The following NALCN variants were observed in gnomAD, a reference collection of about 807,000 sequenced individuals.
NALCN encodes the protein sodium leak channel, non-selective.
NALCN carries 111 observed loss-of-function variants against 225.3 expected under a neutral mutation model. The observed-to-expected ratio is 0.49, with a 90% CI of 0.42 to 0.58. The LOEUF is 0.58. NALCN is among the 20% of genes least tolerant of loss of function. NALCN has a pLI of 0.00. For synonymous variants in NALCN, 764 were observed against 769.0 expected, an observed-to-expected ratio of 0.99 and a Z score of 0.11; for missense variants, 1,378 against 2,202.4, an observed-to-expected ratio of 0.63 and a Z score of 7.49.
chr13:101,193,857 A>G (rs2039783508), intron 13 of NALCN, among the ~76,000 whole-genome samples: 1 of 152,202 alleles, frequency 6.6e-6, no homozygotes, highest in African/African-American at 2.4e-5. Flanking sequence ...TCACATAAAA[A>G]TATCAGATTG....
chr13:101,407,080 T>G (rs1469162759), intron 1 of NALCN, among the ~76,000 whole-genome samples: 2 of 152,224 alleles, frequency 1.3e-5, no homozygotes, highest in African/African-American at 4.8e-5. Context: ...TTGAGAAAGT[T>G]TTTCTGTCAT....
intron 30 of NALCN, among the ~76,000 whole-genome samples, chr13:101,086,295 CTTCT>C (rs1324006022): frequency 6.6e-6 from 1 of 151,854 alleles, no homozygotes; most frequent in Non-Finnish European, 1.5e-5. Flanking sequence ...ACTTGTGATT[CTTCT>C]TTAATATATA....
chr13:101,286,210 G>C (rs2043332329), intron 9 of NALCN, among the ~76,000 whole-genome samples: 1 of 152,160 alleles, frequency 6.6e-6, no homozygotes, highest in South Asian at 2.1e-4. Flanking sequence ...AATCCTTGCG[G>C]GGAGCGTGGC....
intron 6 of NALCN, among the ~76,000 whole-genome samples, chr13:101,371,977 G>A (rs1257670560): frequency 6.6e-6 from 1 of 152,108 alleles, no homozygotes; most frequent in Non-Finnish European, 1.5e-5. Flanking sequence ...TGATTAATAA[G>A]ATAAAAGATG....
intron 15 of NALCN, among the ~76,000 whole-genome samples, chr13:101,158,875 C>T (rs900436054): frequency 6.6e-6 from 1 of 152,200 alleles, no homozygotes; most frequent in African/African-American, 2.4e-5. Flanking sequence ...CCTCCCACAG[C>T]ACTCTCCTTA....
At chr13:101,118,406 C>T (rs1412029516) in intron 18 of NALCN, among the ~76,000 whole-genome samples, 1 of 152,080 alleles carries the variant, frequency 6.6e-6, no homozygotes, top group Non-Finnish European at 1.5e-5. Context: ...TACCGCAAAT[C>T]AGGTACTATC....
chr13:101,224,947 A>T (rs1252009328), intron 13 of NALCN, among the ~76,000 whole-genome samples: 2 of 152,160 alleles, frequency 1.3e-5, no homozygotes, highest in Non-Finnish European at 2.9e-5. Flanking sequence ...CAAAGTAGCC[A>T]CGTTGACTAC....
chr13:101,296,071 C>A (rs985030141), intron 7 of NALCN, among the ~76,000 whole-genome samples: 13 of 152,188 alleles, frequency 8.5e-5, no homozygotes, highest in African/African-American at 2.9e-4. Flanking sequence ...GGCTGCCCAG[C>A]TCAGCTCCTC....
chr13:101,313,375 C>T (rs866315123), intron 7 of NALCN, among the ~76,000 whole-genome samples: 7 of 152,138 alleles, frequency 4.6e-5, no homozygotes, highest in Admixed American at 3.3e-4. Context: ...CAAAAGAAAC[C>T]GTCATCAGAG....
intron 6 of NALCN, among the ~76,000 whole-genome samples, chr13:101,355,985 A>G (rs1391301032): frequency 6.6e-6 from 1 of 152,180 alleles, no homozygotes; most frequent in African/African-American, 2.4e-5. Context: ...CAAATCAAGA[A>G]GTTCTTTGAA....
chr13:101,204,736 T>C (rs1439013638), intron 13 of NALCN, among the ~76,000 whole-genome samples: 1 of 152,132 alleles, frequency 6.6e-6, no homozygotes, highest in Admixed American at 6.6e-5. Context: ...TTGGCTATGC[T>C]TGGGTTAACT....
In NALCN at chr13:101,377,050, C is replaced by T; in HGVS notation, c.382G>A (p.Glu128Lys). 1 of 1,614,108 alleles carries T rather than the reference C, an allele frequency of 6.2e-7. No homozygotes were observed. Among genetic ancestry groups the T allele is most frequent in the Non-Finnish European group, 8.5e-7 (1 of 1,180,000 alleles). The change falls in exon 5 of 44, where the codon GAA becomes AAA. Residue 128 changes from glutamate to lysine, a missense_variant. Physicochemically the swap from Glu to Lys is moderately conservative, Grantham distance 56. Around this residue, in one of 19 missense-constraint regions of NALCN, gnomAD observed 146 missense variants for 205.9 expected, o/e 0.71. Coordinates refer to ENST00000251127, the MANE Select transcript of NALCN (RefSeq NM_052867.4). The part of the protein sequence containing the change: ...LWVSLVLQVF[E>K]IADIVDQMSP... Reference sequence around the variant, plus strand: ...ATCTGATCAACTATATCAGCAATTTCAAACACCTACAAATTAAAAGATGGG... The same window carrying T: ...ATCTGATCAACTATATCAGCAATTTTAAACACCTACAAATTAAAAGATGGG...
At chr13:101,375,942 G>T (rs2046677021) in intron 6 of NALCN, among the ~76,000 whole-genome samples, 1 of 151,938 alleles carries the variant, frequency 6.6e-6, no homozygotes, top group African/African-American at 2.4e-5. Context: ...CCCTGGAGTT[G>T]TATATTAACA....
intron 12 of NALCN, among the ~76,000 whole-genome samples, chr13:101,234,917 A>G (rs990943032): frequency 1.3e-5 from 2 of 152,106 alleles, no homozygotes; most frequent in Admixed American, 6.6e-5. Context: ...GCAGGCTAAT[A>G]TTAGATATTT....
intron 15 of NALCN, among the ~76,000 whole-genome samples, chr13:101,146,125 T>G (rs1287196213): frequency 6.6e-6 from 1 of 152,190 alleles, no homozygotes; most frequent in Non-Finnish European, 1.5e-5. Flanking sequence ...GGTTGTGAGC[T>G]CATGATGAGA....
In NALCN at chr13:101,237,861, G is replaced by T; in HGVS notation, c.1328C>A (p.Thr443Asn). 1 of 1,605,280 alleles carries T rather than the reference G, an allele frequency of 6.2e-7. No homozygotes were observed. Among genetic ancestry groups the T allele is most frequent in the Non-Finnish European group, 8.5e-7 (1 of 1,176,170 alleles). ...GTGGAGAGATGAGCTAATATATCCA[G>T]TAAATCCCAAACACCATATCTTCAG... The part of the protein sequence containing the change: ...ALLKIWCLGF[T>N]GYISSSLHKF... Residue 443 changes from threonine (T) to asparagine (N), a missense_variant, in exon 12 of 44, where the codon ACT becomes AAT. Thr to Asn is a moderately conservative substitution (Grantham distance 65, BLOSUM62 0). This residue lies in a region of NALCN where 144 missense variants were observed against 187.7 expected (regional missense o/e 0.77). Transcript: ENST00000251127.
chr13:101,177,407 G>A (rs1213229166), intron 14 of NALCN, among the ~76,000 whole-genome samples: 1 of 84,830 alleles, frequency 1.2e-5, no homozygotes, highest in Admixed American at 1.0e-4. Flanking sequence ...CAGTAAATAC[G>A]AGTATATATA....
chr13:101,082,074 C>T (rs2033682984), intron 33 of NALCN, among the ~76,000 whole-genome samples: 1 of 152,092 alleles, frequency 6.6e-6, no homozygotes. Flanking sequence ...GATGGGGTTT[C>T]ACCACGTTGG....
intron 18 of NALCN, among the ~76,000 whole-genome samples, chr13:101,122,645 T>G (rs1191442112): frequency 1.3e-5 from 2 of 152,238 alleles, no homozygotes; most frequent in African/African-American, 2.4e-5. Flanking sequence ...TTGAAAATAA[T>G]TTTAAGAAAA....
Sources: gnomAD v4.1 joint callset for allele counts (sites outside exome capture counted in the v4.1 genomes callset) on GRCh38, gnomAD v4.1.1 for gene constraint, gnomAD v4.1.1 regional missense constraint, MANE v1.5 for transcripts, NCBI Gene and HGNC (gene_info 2026-07-23, HGNC 2026-07-21) for gene names.